SLC45A4: variants seen among roughly 807,000 people sequenced by gnomAD.
SLC45A4 encodes the protein polyamine-transporter SLC45A4.
SLC45A4 carries 32 observed loss-of-function variants against 63.7 expected under a neutral mutation model. The ratio of observed to expected loss-of-function variants is 0.50; its 90% CI spans 0.38 to 0.67. The LOEUF (loss-of-function observed/expected upper bound fraction) is 0.67. SLC45A4 is among the 30% of genes least tolerant of loss of function. SLC45A4 has a pLI of 0.00. For missense variants in SLC45A4, 1,027 were observed against 1,157.7 expected, an observed-to-expected ratio of 0.89 and a Z score of 1.64; for synonymous variants, 535 against 510.0, an observed-to-expected ratio of 1.05 and a Z score of -0.66.
chr8:141,227,440 G>A lies in SLC45A4; in HGVS notation c.242-5675C>T, dbSNP rs546069870. On this transcript the variant is annotated intron_variant, in intron 2 of 8. Coordinates refer to ENST00000517878, the MANE Select transcript of SLC45A4 (RefSeq NM_001286646.2). The surrounding 1 kb of genome is among the most constrained non-coding windows in gnomAD (Gnocchi z 4.4). Reference sequence around the variant, plus strand: ...GGACAAAGCTTCCACATCAAGATACGCTTGTGTGCTGGGACCAAATGCCAC... The same window carrying A: ...GGACAAAGCTTCCACATCAAGATACACTTGTGTGCTGGGACCAAATGCCAC... 2.6e-4 allele frequency among the ~76,000 whole-genome samples: 39 copies of A among 152,226 alleles called. No homozygotes were observed. The highest frequency in any genetic ancestry group is 3.8e-4 in the Non-Finnish European group (26 of 68,042).
chr8:141,242,908 T>A (rs1827986334), intron 2 of SLC45A4, among the ~76,000 whole-genome samples: 1 of 152,072 alleles, frequency 6.6e-6, no homozygotes, highest in Non-Finnish European at 1.5e-5. Context: ...CTATAGAATC[T>A]CTCACAAGAG....
intron 1 of SLC45A4, among the ~76,000 whole-genome samples, chr8:141,263,099 T>C (rs1380362407): frequency 2.0e-5 from 3 of 150,904 alleles, no homozygotes; most frequent in Admixed American, 1.3e-4. Context: ...TCATTCTCAG[T>C]AAACTATCGC....
At chr8:141,237,657 C>T (rs1292901677) in intron 2 of SLC45A4, among the ~76,000 whole-genome samples, 6 of 152,122 alleles carry the variant, frequency 3.9e-5, no homozygotes, top group Non-Finnish European at 8.8e-5. Context: ...TGTCCCTCAC[C>T]GCCGCCCTCC....
At chr8:141,269,062 T>A (rs1243127323) in intron 1 of SLC45A4, among the ~76,000 whole-genome samples, 2 of 152,160 alleles carry the variant, frequency 1.3e-5, no homozygotes, top group Non-Finnish European at 2.9e-5. Context: ...ACCCACTGGA[T>A]CAGAGACCAA....
At chr8:141,217,059 C>G in intron 6 of SLC45A4, 31 bp downstream of exon 6, 2 of 1,603,054 alleles carry the variant, frequency 1.2e-6, no homozygotes, top group Admixed American at 1.7e-5. Flanking sequence ...TTCTGGGGTG[C>G]GAGTGCTGAC....
chr8:141,238,151 C>A (rs933789009), intron 2 of SLC45A4, among the ~76,000 whole-genome samples: 1 of 152,220 alleles, frequency 6.6e-6, no homozygotes, highest in African/African-American at 2.4e-5. Context: ...GGGCAGCAGA[C>A]GCGTGCCCGA....
At chr8:141,234,331 C>A (rs912774154) in intron 2 of SLC45A4, among the ~76,000 whole-genome samples, 1 of 152,202 alleles carries the variant, frequency 6.6e-6, no homozygotes, top group Non-Finnish European at 1.5e-5. Flanking sequence ...GAGACAGAGG[C>A]CACCTCCTCG....
chr8:141,218,805 C>G lies in SLC45A4; in HGVS notation c.835G>C (p.Gly279Arg), dbSNP rs770967606. 8 of 1,612,960 alleles carry G rather than the reference C, an allele frequency of 5.0e-6. No individual in the cohort carries two copies. Among genetic ancestry groups the G allele is most frequent in the Non-Finnish European group, 6.8e-6 (8 of 1,179,826 alleles). The change falls in exon 5 of 9, where the codon GGC (glycine) becomes CGC (arginine). Residue 279 changes from glycine (G) to arginine (R), a missense_variant. Coordinates refer to ENST00000517878, the MANE Select transcript of SLC45A4 (RefSeq NM_001286646.2). ...PGALDGGEPH[G>R]VPAFPDEVQS... ...ACCTCGTCTGGGAAGGCAGGGACGC[C>G]GTGCGGCTCGCCCCCATCCAGGGCG...
intron 1 of SLC45A4, among the ~76,000 whole-genome samples, chr8:141,263,881 G>A (rs1047750446): frequency 3.3e-5 from 5 of 152,034 alleles, no homozygotes; most frequent in Non-Finnish European, 7.4e-5. Flanking sequence ...TATGAATACC[G>A]AAAGATCTAG....
intron 1 of SLC45A4, among the ~76,000 whole-genome samples, chr8:141,259,295 G>A (rs1382893314): frequency 6.6e-6 from 1 of 152,210 alleles, no homozygotes; most frequent in Non-Finnish European, 1.5e-5. Context: ...TCACGCCTTG[G>A]GACACTGCTG....
intron 1 of SLC45A4, among the ~76,000 whole-genome samples, chr8:141,264,893 A>G (rs766920752): frequency 2.0e-5 from 3 of 152,234 alleles, no homozygotes; most frequent in Non-Finnish European, 2.9e-5. Context: ...AGAAGGTACT[A>G]CCCAGACAGT....
intron 1 of SLC45A4, among the ~76,000 whole-genome samples, chr8:141,268,180 A>G (rs770406705): frequency 1.3e-4 from 20 of 152,308 alleles, no homozygotes; most frequent in Admixed American, 2.6e-4. Flanking sequence ...GGCACTTTAA[A>G]TGAGTATTTC....
rs987166012 is a variant in SLC45A4, at chr8:141,254,354, CACTT to C, written c.-129_-126del. ...TCTGCTGTGTTCCTCGGGCAGGTAA[CACTT>C]ACATTCCTCTTTGCACAAGTGGCTA... On this transcript the variant is annotated 5_prime_UTR_variant, in exon 2 of 9. The change creates a premature stop within an existing upstream ORF in the 5' untranslated region. Transcript: ENST00000517878. This position sits in a 1 kb window ranked among gnomAD's most constrained non-coding sequence, Gnocchi z 4.5. 5 of 1,115,142 alleles carry C rather than the reference CACTT, an allele frequency of 4.5e-6. No homozygotes were observed. Among genetic ancestry groups the C allele is most frequent in the East Asian group, 2.6e-5 (1 of 38,704 alleles). The allele number at this position is 1,115,142 out of a possible 1,614,324, so 69.1% of individuals were successfully genotyped here. A position where few individuals can be genotyped will look rare whatever the true frequency, so the allele number is the denominator to read the frequency against.
intron 1 of SLC45A4, among the ~76,000 whole-genome samples, chr8:141,284,791 C>A (rs1032755182): frequency 2.6e-4 from 39 of 152,134 alleles, no homozygotes; most frequent in African/African-American, 9.4e-4. Context: ...GGGCAGGAGG[C>A]TCCTTGCCCC....
At chr8:141,212,636 C>A in intron 7 of SLC45A4, 80 bp from the exon 8 acceptor site, 3 of 1,454,028 alleles carry the variant, frequency 2.1e-6, no homozygotes, top group Non-Finnish European at 2.7e-6. Context: ...GAGTATTAAC[C>A]CACAAGCCTG....
Position 141,215,731 on chromosome 8 carries a change from G to A in SLC45A4, c.1941+28C>T, listed in dbSNP as rs200807662. On this transcript the variant is annotated intron_variant, in intron 7 of 8. Transcript: ENST00000517878. This position sits in a 1 kb window ranked among gnomAD's most constrained non-coding sequence, Gnocchi z 4.3. The stretch of plus-strand genomic sequence containing the variant: ...GGGAAGGCACTCAGGAGGCTGGAGC[G>A]CAGATCTCAGGGCTACGGTGGACGC... 3.0e-5 allele frequency: 49 copies of A among 1,607,296 alleles called. No homozygotes were observed. The highest frequency in any genetic ancestry group is 4.5e-5 in the East Asian group (2 of 44,842).
At chr8:141,243,922 G>T (rs1008907056) in intron 2 of SLC45A4, among the ~76,000 whole-genome samples, 2 of 152,182 alleles carry the variant, frequency 1.3e-5, no homozygotes, top group East Asian at 3.8e-4. Flanking sequence ...TAGAAGGTAT[G>T]TGTCAACTGA....
At chr8:141,289,827 C>G (rs1830281312) in intron 1 of SLC45A4, among the ~76,000 whole-genome samples, 1 of 152,072 alleles carries the variant, frequency 6.6e-6, no homozygotes, top group South Asian at 2.1e-4. Flanking sequence ...GGCCTCACCA[C>G]CCTCCAAGTC....
chr8:141,207,498 A>C lies in SLC45A4; in HGVS notation c.*4074T>G, dbSNP rs1825581698. On this transcript the variant is annotated 3_prime_UTR_variant, in exon 9 of 9. Coordinates refer to ENST00000517878, the MANE Select transcript of SLC45A4 (RefSeq NM_001286646.2). ...TTAACACACGCTTACCACCACTGCT[A>C]ACTCAGCAAGCGCGATTACAGTGCT... 6.6e-6 allele frequency: 1 copy of C among 152,294 alleles called. No homozygotes were observed. The highest frequency in any genetic ancestry group is 1.5e-5 in the Non-Finnish European group (1 of 68,058). 9.4% of individuals were successfully genotyped at this position (152,294 alleles called of 1,614,324 possible).
Sources: gnomAD v4.1 joint callset for allele counts (sites outside exome capture counted in the v4.1 genomes callset) on GRCh38, gnomAD v4.1.1 for gene constraint, Gnocchi (gnomAD v3.1) non-coding constraint, MANE v1.5 for transcripts, NCBI Gene and HGNC (gene_info 2026-07-23, HGNC 2026-07-21) for gene names.